KLF12: variants seen among roughly 807,000 people sequenced by gnomAD.
KLF12 encodes the protein Krueppel-like factor 12.
In KLF12, 9 loss-of-function variants were observed where a neutral mutation model predicts 37.8. That is an observed-to-expected ratio of 0.24 (90% CI 0.14 to 0.42). The LOEUF (loss-of-function observed/expected upper bound fraction) is 0.42, where lower values mean the gene tolerates loss of function less well. KLF12 is among the 10% of genes least tolerant of loss of function. The pLI is 1.00. For synonymous variants in KLF12, 208 were observed against 202.1 expected (o/e 1.03, Z -0.25); for missense variants, 411 against 516.0 (o/e 0.80, Z 1.97).
the KLF12 span, among the ~76,000 whole-genome samples, chr13:74,184,280 A>G: frequency 6.6e-6 from 1 of 152,246 alleles, no homozygotes; most frequent in South Asian, 2.1e-4. Context: ...ACACTAATAA[A>G]TATCATTTCA....
At chr13:73,876,118 G>A (rs1453438329) in intron 3 of KLF12, among the ~76,000 whole-genome samples, 1 of 149,076 alleles carries the variant, frequency 6.7e-6, no homozygotes, top group Non-Finnish European at 1.5e-5. Flanking sequence ...CAGGAATCCA[G>A]CACATTTTAG....
rs1453634139 is a variant in KLF12, at chr13:73,686,333, G to A, written c.*9157C>T. ...ATCCTCTGAGAGAATCTCATTAGGA[G>A]GGTCTCCCTTTACATTATCATAGGG... On this transcript the variant is annotated 3_prime_UTR_variant, in exon 8 of 8. Transcript: ENST00000377669. 6.6e-6 allele frequency: 1 copy of A among 152,560 alleles called. No individual in the cohort carries two copies. The highest frequency in any genetic ancestry group is 6.6e-5 in the Admixed American group (1 of 15,266). The allele number at this position is 152,560 out of a possible 1,614,324, so 9.5% of individuals were successfully genotyped here.
rs1391268445 is a variant in KLF12, at chr13:73,688,327, AAC to A, written c.*7161_*7162del. ...TATAAGACTATTTAAAACATTCCAC[AAC>A]AGAGCTGTTAAGTGAGAACTCTGAA... On this transcript the variant is annotated 3_prime_UTR_variant, in exon 8 of 8. Transcript: ENST00000377669. 5 of 152,432 alleles carry A rather than the reference AAC, an allele frequency of 3.3e-5. No individual in the cohort carries two copies. The East Asian group carries it at 9.6e-4, about 29-fold the overall frequency. 9.4% of individuals were successfully genotyped at this position (152,432 alleles called of 1,614,324 possible).
chr13:73,878,227 T>C (rs1017216336), intron 3 of KLF12, among the ~76,000 whole-genome samples: 2 of 152,150 alleles, frequency 1.3e-5, no homozygotes, highest in East Asian at 3.9e-4. Flanking sequence ...AAATTATCTA[T>C]TCCACAACCT....
intron 1 of KLF12, among the ~76,000 whole-genome samples, chr13:74,077,086 G>A (rs1874607361): frequency 2.0e-5 from 3 of 152,138 alleles, no homozygotes; most frequent in Admixed American, 2.0e-4. Flanking sequence ...TTGCTATTGT[G>A]AACAGTGCTG....
At chr13:74,070,702 T>C (rs1046953956) in intron 1 of KLF12, among the ~76,000 whole-genome samples, 2 of 152,106 alleles carry the variant, frequency 1.3e-5, no homozygotes, top group African/African-American at 2.4e-5. Flanking sequence ...TACTAATCTA[T>C]GAGAGTGAGA....
chr13:74,054,130 A>G (rs1873101513), intron 1 of KLF12, among the ~76,000 whole-genome samples: 2 of 152,128 alleles, frequency 1.3e-5, no homozygotes, highest in Admixed American at 6.5e-5. Flanking sequence ...ATTTCATACT[A>G]CTCACAGTAT....
At chr13:74,190,230 A>G in the KLF12 span, among the ~76,000 whole-genome samples, 10 of 152,192 alleles carry the variant, frequency 6.6e-5, no homozygotes, top group African/African-American at 2.2e-4. Flanking sequence ...ACAACAACAC[A>G]CCAAACTTTT....
chr13:74,271,668 T>C, the KLF12 span, among the ~76,000 whole-genome samples: 1 of 152,344 alleles, frequency 6.6e-6, no homozygotes, highest in South Asian at 2.1e-4. Flanking sequence ...TAAAGATATA[T>C]TGAACTACTA....
chr13:74,100,346 G>A (rs146414685), intron 1 of KLF12, among the ~76,000 whole-genome samples: 95 of 152,224 alleles, frequency 6.2e-4, no homozygotes, highest in African/African-American at 1.7e-3. Context: ...AGCTGGGTGC[G>A]GTGTTTCATG....
intron 5 of KLF12, among the ~76,000 whole-genome samples, chr13:73,795,577 A>T (rs866113094): frequency 2.1e-4 from 32 of 152,374 alleles, no homozygotes; most frequent in African/African-American, 6.7e-4. Flanking sequence ...AGTAATGTTT[A>T]TCTGCAATTT....
At chr13:74,276,928 T>C in the KLF12 span, among the ~76,000 whole-genome samples, 1 of 152,228 alleles carries the variant, frequency 6.6e-6, no homozygotes, top group Non-Finnish European at 1.5e-5. Context: ...AGTGACTCTA[T>C]AAACTTCAGG....
the KLF12 span, among the ~76,000 whole-genome samples, chr13:74,277,719 A>G: frequency 6.6e-6 from 1 of 152,158 alleles, no homozygotes; most frequent in East Asian, 1.9e-4. Flanking sequence ...CTGTGACTTT[A>G]AAAATTTGTT....
chr13:73,992,608 T>TA (rs1891998579), intron 2 of KLF12, among the ~76,000 whole-genome samples: 1 of 152,166 alleles, frequency 6.6e-6, no homozygotes, highest in Non-Finnish European at 1.5e-5. Flanking sequence ...CACAGCATGA[T>TA]ATTCTGTGGC....
At chr13:74,111,448 AAAT>A (rs1471238171) in intron 1 of KLF12, among the ~76,000 whole-genome samples, 1 of 152,186 alleles carries the variant, frequency 6.6e-6, no homozygotes, top group African/African-American at 2.4e-5. Flanking sequence ...TTAAAAAATT[AAAT>A]AAATCTTTAA....
chr13:73,952,963 A>T (rs1890697190), intron 2 of KLF12, among the ~76,000 whole-genome samples: 1 of 152,254 alleles, frequency 6.6e-6, no homozygotes, highest in South Asian at 2.1e-4. Flanking sequence ...GAGACAGTTC[A>T]GAGCTGTACA....
chr13:73,777,828 CT>C (rs987229513), intron 5 of KLF12, among the ~76,000 whole-genome samples: 3 of 151,376 alleles, frequency 2.0e-5, no homozygotes, highest in African/African-American at 7.3e-5. Context: ...CTTACTCTGT[CT>C]TTTTTTTAAA....
chr13:74,184,165 GT>G, the KLF12 span, among the ~76,000 whole-genome samples: 84 of 152,106 alleles, frequency 5.5e-4, 1 homozygote, highest in Non-Finnish European at 8.8e-5. Context: ...ATCTTGGAAA[GT>G]CACTAAATTA....
intron 6 of KLF12, among the ~76,000 whole-genome samples, chr13:73,752,948 T>C (rs1878886457): frequency 6.6e-6 from 1 of 151,832 alleles, no homozygotes; most frequent in Non-Finnish European, 1.5e-5. Context: ...GAGATGGGGT[T>C]TCACTGTATT....
Sources: gnomAD v4.1 joint callset for allele counts (sites outside exome capture counted in the v4.1 genomes callset) on GRCh38, gnomAD v4.1.1 for gene constraint, MANE v1.5 for transcripts, NCBI Gene and HGNC (gene_info 2026-07-23, HGNC 2026-07-21) for gene names.